CAMTA1: variants seen among roughly 807,000 people sequenced by gnomAD.
CAMTA1 encodes the protein calmodulin-binding transcription activator 1.
CAMTA1 carries 27 observed loss-of-function variants against 170.9 expected under a neutral mutation model. The observed-to-expected ratio is 0.16, with a 90% CI of 0.12 to 0.22. The LOEUF is 0.22. Ranked by LOEUF, CAMTA1 falls within the 10% of genes least tolerant of loss-of-function variation. The probability of loss-of-function intolerance (pLI) is 1.00; values close to 1 mark genes in which losing one functional copy is unlikely to be tolerated. For missense variants in CAMTA1, 1,619 were observed against 2,217.2 expected, an observed-to-expected ratio of 0.73 and a Z score of 5.42; for synonymous variants, 833 against 891.5, an observed-to-expected ratio of 0.93 and a Z score of 1.17.
At chr1:7,745,521 G>A (rs2096850859) in intron 17 of CAMTA1, among the ~76,000 whole-genome samples, 1 of 151,960 alleles carries the variant, frequency 6.6e-6, no homozygotes, top group Non-Finnish European at 1.5e-5. Flanking sequence ...GCAAGATTCT[G>A]TCTCAAAAAA....
chr1:7,507,166 C>T (rs1211032024), intron 6 of CAMTA1, among the ~76,000 whole-genome samples: 1 of 151,844 alleles, frequency 6.6e-6, no homozygotes, highest in African/African-American at 2.4e-5. Flanking sequence ...TCACACAACA[C>T]ACACGCTCAC....
intron 4 of CAMTA1, among the ~76,000 whole-genome samples, chr1:7,186,653 G>C (rs145888920): frequency 1.3e-5 from 2 of 152,160 alleles, no homozygotes; most frequent in Non-Finnish European, 2.9e-5. Flanking sequence ...GGGCTGGTTG[G>C]GGGGAGGGTA....
chr1:7,492,426 C>T (rs887549980), intron 6 of CAMTA1, among the ~76,000 whole-genome samples: 2 of 152,114 alleles, frequency 1.3e-5, no homozygotes, highest in African/African-American at 4.8e-5. Flanking sequence ...AGCAAGGGTG[C>T]TCTATGCCCC....
Position 7,766,411 on chromosome 1 carries a change from A to G in CAMTA1, c.4990-48A>G, listed in dbSNP as rs2097025024. ...TACCCCTTTCCTTTACTTGGTCACA[A>G]TTCACTATAGAGTTATCGCCTGCTG... On this transcript the variant is annotated intron_variant, in intron 22 of 22. Coordinates refer to ENST00000303635, the MANE Select transcript of CAMTA1 (RefSeq NM_015215.4). 7 of 1,598,780 alleles carry G rather than the reference A, an allele frequency of 4.4e-6. No homozygotes were observed. In the Admixed American group the frequency reaches 1.2e-4, roughly 27 times the overall value.
chr1:7,429,270 G>A (rs940338022), intron 5 of CAMTA1, among the ~76,000 whole-genome samples: 1 of 152,210 alleles, frequency 6.6e-6, no homozygotes, highest in Non-Finnish European at 1.5e-5. Flanking sequence ...AATGATTTAT[G>A]TCAAGCCCTT....
At chr1:7,696,495 G>T (rs1235373534) in intron 11 of CAMTA1, among the ~76,000 whole-genome samples, 5 of 147,392 alleles carry the variant, frequency 3.4e-5, no homozygotes, top group South Asian at 4.3e-4. Context: ...TGCCCAGCCA[G>T]TTTTTTTTTT....
chr1:7,377,107 T>C (rs1309325443), intron 5 of CAMTA1, among the ~76,000 whole-genome samples: 2 of 152,114 alleles, frequency 1.3e-5, no homozygotes, highest in African/African-American at 4.8e-5. Flanking sequence ...TCCCAACACA[T>C]AGGGAGCACT....
chr1:7,582,905 C>T (rs1166162687), intron 6 of CAMTA1, among the ~76,000 whole-genome samples: 3 of 147,344 alleles, frequency 2.0e-5, no homozygotes, highest in African/African-American at 7.5e-5. Context: ...ATGGCTGTAA[C>T]CCAGACCTTA....
At chr1:7,752,651 C>T (rs942428889) in intron 21 of CAMTA1, 118 bp downstream of exon 21, 12 of 757,580 alleles carry the variant, frequency 1.6e-5, no homozygotes, top group Admixed American at 3.2e-5. Flanking sequence ...TCAGGGCAGA[C>T]GTCCCAAATT....
rs2096079456 is a variant in CAMTA1 at position 7,673,526 on chromosome 1, T to C, written c.2779+2489T>C. Among the ~76,000 whole-genome samples, 1 of 152,198 alleles carries C rather than the reference T, an allele frequency of 6.6e-6. No individual in the cohort carries two copies. The highest frequency in any genetic ancestry group is 1.5e-5 in the Non-Finnish European group (1 of 68,034). ...GGCAGTTCTCCTGGTCCTGGGGCATTTCTGGGTCCCCAGAGATGGCAGGTA... is the reference window on the plus strand; with the variant it reads ...GGCAGTTCTCCTGGTCCTGGGGCATCTCTGGGTCCCCAGAGATGGCAGGTA... On this transcript the variant is annotated intron_variant, in intron 10 of 22. Coordinates refer to ENST00000303635, the MANE Select transcript of CAMTA1 (RefSeq NM_015215.4). The surrounding 1 kb of genome is among the most constrained non-coding windows in gnomAD (Gnocchi z 4.6).
At chr1:7,404,713 C>T (rs890740927) in intron 5 of CAMTA1, among the ~76,000 whole-genome samples, 5 of 152,172 alleles carry the variant, frequency 3.3e-5, no homozygotes, top group Non-Finnish European at 2.9e-5. Flanking sequence ...CATGGAGCCA[C>T]CCTCACCAGA....
At position 7,011,130 on chromosome 1, in the gene CAMTA1, G is replaced by A. The variant is rs565511383; in HGVS notation, c.235-80174G>A. Among the ~76,000 whole-genome samples, 86 of 152,350 alleles carry A rather than the reference G, an allele frequency of 5.6e-4. 1 individual carries two copies. Among genetic ancestry groups the A allele is most frequent in the African/African-American group, 2.0e-3 (85 of 41,580 alleles). On this transcript the variant is annotated intron_variant, in intron 3 of 22. Transcript: ENST00000303635. ...ATGGTCTCTGCAGAAGGAAGCCACT[G>A]CAGACTTGGTGGCTGGTCTTCGCAT...
intron 5 of CAMTA1, among the ~76,000 whole-genome samples, chr1:7,326,996 A>G (rs2082723405): frequency 6.6e-6 from 1 of 152,200 alleles, no homozygotes; most frequent in Non-Finnish European, 1.5e-5. Context: ...AGGAGGTGAT[A>G]TGCTGTCTTC....
At chr1:7,610,755 C>T (rs1576386617) in intron 6 of CAMTA1, among the ~76,000 whole-genome samples, 1 of 152,334 alleles carries the variant, frequency 6.6e-6, no homozygotes, top group African/African-American at 2.4e-5. Flanking sequence ...TTCTTTCTTC[C>T]CTAAATGGCC....
chr1:6,834,908 G>A (rs1401488307), intron 3 of CAMTA1, among the ~76,000 whole-genome samples: 1 of 152,166 alleles, frequency 6.6e-6, no homozygotes, highest in African/African-American at 2.4e-5. Flanking sequence ...CAAAGTGCTG[G>A]GATTATGGGT....
chr1:6,948,088 C>A (rs536116926), intron 3 of CAMTA1, among the ~76,000 whole-genome samples: 1 of 152,274 alleles, frequency 6.6e-6, no homozygotes, highest in South Asian at 2.1e-4. Context: ...GAATCTAAAT[C>A]CTAACGTCAT....
intron 6 of CAMTA1, among the ~76,000 whole-genome samples, chr1:7,526,298 C>A (rs1431074400): frequency 6.6e-6 from 1 of 151,988 alleles, no homozygotes; most frequent in Admixed American, 6.5e-5. Flanking sequence ...CTATGCATCT[C>A]CCCGAGCTCC....
At chr1:7,402,946 T>A (rs2090015397) in intron 5 of CAMTA1, among the ~76,000 whole-genome samples, 1 of 152,180 alleles carries the variant, frequency 6.6e-6, no homozygotes. Flanking sequence ...CACAAAATGG[T>A]ACCTGGTACA....
chr1:6,854,326 CA>C (rs945878983), intron 3 of CAMTA1, among the ~76,000 whole-genome samples: 6 of 152,150 alleles, frequency 3.9e-5, no homozygotes, highest in East Asian at 1.9e-4. Context: ...ATTCATAGCC[CA>C]GGGGCAATAG....
Sources: allele counts gnomAD v4.1 joint callset (sites outside exome capture counted in the v4.1 genomes callset), GRCh38; gene constraint gnomAD v4.1.1; non-coding constraint Gnocchi (gnomAD v3.1); transcripts MANE v1.5; gene names NCBI Gene and HGNC (gene_info 2026-07-23, HGNC 2026-07-21).